Variants in TRIML1 observed in about 807,000 individuals in gnomAD.
TRIML1 encodes the protein tripartite motif family like 1.
In TRIML1, 34 loss-of-function variants were observed where a neutral mutation model predicts 32.3. The observed-to-expected ratio is 1.05, with a 90% CI of 0.80 to 1.40. TRIML1 has a LOEUF of 1.40. TRIML1 is among the 40% of genes most tolerant of loss of function. TRIML1 has a pLI of 0.00. For synonymous variants in TRIML1, 244 were observed against 226.6 expected, an observed-to-expected ratio of 1.08 and a Z score of -0.69; for missense variants, 595 against 574.9, an observed-to-expected ratio of 1.03 and a Z score of -0.36.
rs373633936 is a variant in TRIML1, at chr4:188,147,390, G to T, written c.*18G>T. ...ACGTCTGAGGGGCGTGCCCTGAGCC[G>T]TCACAGCGGGCGATGTCTGAGACCA... On this transcript the variant is annotated 3_prime_UTR_variant, in exon 6 of 6. Transcript: ENST00000332517. 1 of 1,460,260 alleles carries T rather than the reference G, an allele frequency of 6.8e-7. No individual in the cohort carries two copies. The highest frequency in any genetic ancestry group is 9.0e-7 in the Non-Finnish European group (1 of 1,107,708). The allele number at this position is 1,460,260 out of a possible 1,614,324, so 90.5% of individuals were successfully genotyped here. A position where few individuals can be genotyped will look rare whatever the true frequency, so the allele number is the denominator to read the frequency against.
intron 5 of TRIML1, among the ~76,000 whole-genome samples, chr4:188,144,779 TG>T (rs1309767541): frequency 6.6e-6 from 1 of 152,124 alleles, no homozygotes; most frequent in Non-Finnish European, 1.5e-5. Context: ...CCCGTTAGGA[TG>T]AAAGCTGACT....
At chr4:188,141,861 C>T (rs62354301) in intron 2 of TRIML1, among the ~76,000 whole-genome samples, 10,291 of 151,904 alleles carry the variant, frequency 0.068, 438 homozygotes, top group East Asian at 0.2. Flanking sequence ...ACCTGTAATC[C>T]CAGCACTTTG....
downstream of TRIML1, among the ~76,000 whole-genome samples, chr4:188,149,163 C>T (rs1735185987): frequency 6.6e-6 from 1 of 151,852 alleles, no homozygotes; most frequent in African/African-American, 2.4e-5. Context: ...TCGTGATCCA[C>T]CCGCCTCCAC....
intron 1 of TRIML1, 105 bp downstream of exon 1, chr4:188,140,071 A>C: frequency 4.8e-5 from 57 of 1,182,330 alleles, no homozygotes; most frequent in Non-Finnish European, 6.5e-5. Flanking sequence ...ACGAGGGCCC[A>C]TCTGAGCACC....
chr4:188,145,398 C>T (rs1385568278), intron 5 of TRIML1, among the ~76,000 whole-genome samples: 4 of 133,654 alleles, frequency 3.0e-5, no homozygotes, highest in African/African-American at 8.9e-5. Context: ...GCAGAGATGG[C>T]GCCATTGCAT....
In TRIML1 at chr4:188,141,165, G is replaced by GTT. The variant is rs58714915; in HGVS notation, c.504+560_504+561dup. 8.5e-4 allele frequency among the ~76,000 whole-genome samples: 101 copies of GTT among 118,810 alleles called. 4 individuals carry two copies. The South Asian group carries it at 0.017, about 20-fold the overall frequency. 77.9% of individuals were successfully genotyped at this position (118,810 alleles called of 152,430 possible). Reference sequence around the variant, plus strand: ...ATTCTCCCAATAGACTTTGAAATCTGTTTTTTTTTTTTTTTTTTTGGAGAT... The same window carrying GTT: ...ATTCTCCCAATAGACTTTGAAATCTGTTTTTTTTTTTTTTTTTTTTTGGAGAT... On this transcript the variant is annotated intron_variant, in intron 2 of 5. Coordinates refer to ENST00000332517, the MANE Select transcript of TRIML1 (RefSeq NM_178556.5).
intron 2 of TRIML1, 107 bp downstream of exon 2, chr4:188,140,730 C>T (rs1734823383): frequency 2.4e-6 from 2 of 830,790 alleles, no homozygotes; most frequent in South Asian, 1.6e-5. Flanking sequence ...TTTCCAGTCT[C>T]ACCTCTAAAA....
downstream of TRIML1, among the ~76,000 whole-genome samples, chr4:188,148,397 G>A (rs921009414): frequency 2.0e-5 from 3 of 152,026 alleles, no homozygotes; most frequent in Admixed American, 6.6e-5. Flanking sequence ...GGGAGGCTGA[G>A]GCAGCAGAAT....
chr4:188,142,100 A>AGTGAGAC (rs1734875876), intron 2 of TRIML1, 152 bp from the exon 3 acceptor site: 3 of 597,596 alleles, frequency 5.0e-6, no homozygotes, highest in Non-Finnish European at 8.4e-6. Flanking sequence ...CTGGCGACAG[A>AGTGAGAC]GTGAGACTCC....
downstream of TRIML1, among the ~76,000 whole-genome samples, chr4:188,149,992 G>A (rs528161228): frequency 5.3e-5 from 8 of 151,918 alleles, no homozygotes; most frequent in East Asian, 1.4e-3. Flanking sequence ...TTTTTATAGA[G>A]ACAGGGTTTC....
rs997355359 is a variant in TRIML1 at position 188,147,483 on chromosome 4, G to A, written c.*111G>A. ...GTCAGGTGATCTGAAATAAACTCCC[G>A]TAACCCCACCCCACCCCCAAGAGTT... On this transcript the variant is annotated 3_prime_UTR_variant, in exon 6 of 6. Transcript: ENST00000332517. The A allele has an allele frequency of 1.8e-5, 17 of 945,842 alleles. No individual in the cohort carries two copies. The highest frequency in any genetic ancestry group is 2.3e-5 in the Non-Finnish European group (16 of 706,540). 58.6% of individuals were successfully genotyped at this position (945,842 alleles called of 1,614,324 possible).
At chr4:188,148,391 G>A (rs974179936), downstream of TRIML1, among the ~76,000 whole-genome samples, 2 of 152,036 alleles carry the variant, frequency 1.3e-5, no homozygotes, top group Non-Finnish European at 2.9e-5. Flanking sequence ...CTACTCGGGA[G>A]GCTGAGGCAG....
rs550810527 is a variant in TRIML1 at position 188,139,793 on chromosome 4, A to C, written c.235A>C (p.Arg79=). ...TCTGGGGAGGCTGGCCAGCATCGCC[A>C]GGCAGCTCCGGTCCCAGGTGCTGCA... The part of the protein sequence containing the change: ...ERLGRLASIA[R]QLRSQVLQSE... Residue 79 remains arginine, a synonymous_variant, in exon 1 of 6, where the codon AGG becomes CGG. Coordinates refer to ENST00000332517, the MANE Select transcript of TRIML1 (RefSeq NM_178556.5). 4 of 1,613,920 alleles carry C rather than the reference A, an allele frequency of 2.5e-6. No individual in the cohort carries two copies. The South Asian group carries it at 4.4e-5, about 18-fold the overall frequency.
chr4:188,145,525 G>T (rs1301757960), intron 5 of TRIML1, among the ~76,000 whole-genome samples: 4 of 149,652 alleles, frequency 2.7e-5, no homozygotes, highest in African/African-American at 9.8e-5. Context: ...GACAGTGAGT[G>T]GAAGTTGGAA....
At chr4:188,144,627 G>A (rs1334137622) in intron 5 of TRIML1, among the ~76,000 whole-genome samples, 2 of 151,918 alleles carry the variant, frequency 1.3e-5, no homozygotes, top group Non-Finnish European at 2.9e-5. Flanking sequence ...CTCCCAAAGT[G>A]CTGGGATTAC....
chr4:188,142,662 A>G (rs75514081), intron 3 of TRIML1, among the ~76,000 whole-genome samples, 180 bp downstream of exon 3: 12,436 of 141,620 alleles, frequency 0.088, 604 homozygotes, highest in East Asian at 0.23. Context: ...GAGAGAGAGA[A>G]AAAAAAAAAC....
At position 188,146,942 on chromosome 4, in the gene TRIML1, A is replaced by G. The variant is rs376026367; in HGVS notation, c.977A>G (p.Gln326Arg). ...QLPDNPERFD[Q>R]SATVLGTQIF... ...CCCGACAACCCGGAAAGATTTGACC[A>G]GTCTGCGACTGTGCTGGGTACTCAG... The change falls in exon 6 of 6, where the codon CAG becomes CGG. Residue 326 changes from glutamine (Q) to arginine (R), a missense_variant. By Grantham distance (43) the Gln-to-Arg change is conservative. Transcript: ENST00000332517. 115 of 1,502,142 alleles carry G rather than the reference A, an allele frequency of 7.7e-5. No homozygotes were observed. Among genetic ancestry groups the G allele is most frequent in the Middle Eastern group, 1.8e-4 (1 of 5,554 alleles). 93.1% of individuals were successfully genotyped at this position (1,502,142 alleles called of 1,614,324 possible).
At position 188,142,379 on chromosome 4, in the gene TRIML1, T is replaced by C. The variant is rs757371596; in HGVS notation, c.632T>C (p.Leu211Pro). 5 of 1,613,584 alleles carry C rather than the reference T, an allele frequency of 3.1e-6. No homozygotes were observed. The highest frequency in any genetic ancestry group is 4.2e-6 in the Non-Finnish European group (5 of 1,179,968). ...GAAGAGAAAGAGAACATGAGGAAGCTGAGGAACAATGAGATCAAACTGACC... is the reference window on the plus strand; with the variant it reads ...GAAGAGAAAGAGAACATGAGGAAGCCGAGGAACAATGAGATCAAACTGACC... ...EQEEKENMRK[L>P]RNNEIKLTQQ... The change falls in exon 3 of 6, where the codon CTG becomes CCG. Residue 211 changes from leucine to proline, a missense_variant. Transcript: ENST00000332517.
At position 188,143,865 on chromosome 4, in the gene TRIML1, GC is replaced by G; in HGVS notation, c.758+6del. On this transcript the variant is annotated splice_donor_region_variant and intron_variant, in intron 4 of 5. Transcript: ENST00000332517. ...AGTGAGAGGAGCCCTGGAAAGGTAGGCTTTCATTCTGTGTTCAGTTATGCAA... is the reference window on the plus strand; with the variant it reads ...AGTGAGAGGAGCCCTGGAAAGGTAGGTTTCATTCTGTGTTCAGTTATGCAA... The G allele has an allele frequency of 6.2e-7, 1 of 1,614,172 alleles. No individual in the cohort carries two copies. The highest frequency in any genetic ancestry group is 8.5e-7 in the Non-Finnish European group (1 of 1,180,018).
Sources: gnomAD v4.1 joint callset for allele counts (sites outside exome capture counted in the v4.1 genomes callset) on GRCh38, gnomAD v4.1.1 for gene constraint, MANE v1.5 for transcripts, NCBI Gene and HGNC (gene_info 2026-07-23, HGNC 2026-07-21) for gene names.